Variants in TPRA1 observed in about 807,000 individuals in gnomAD.
The protein encoded by TPRA1 is transmembrane protein adipocyte associated 1.
TPRA1 carries 28 observed loss-of-function variants against 40.1 expected under a neutral mutation model. That is an observed-to-expected ratio of 0.70 (90% CI 0.52 to 0.96). TPRA1 has a LOEUF of 0.96. Among genes scored for constraint, TPRA1 ranks in the 40% least tolerant of loss-of-function variants. The pLI is 0.00. For synonymous variants in TPRA1, 219 were observed against 209.7 expected (o/e 1.04, Z -0.38); for missense variants, 441 against 482.6 (o/e 0.91, Z 0.81).
intron 3 of TPRA1, among the ~76,000 whole-genome samples, chr3:127,578,590 A>G (rs993339941): frequency 2.6e-5 from 4 of 152,232 alleles, no homozygotes; most frequent in African/African-American, 9.6e-5. Context: ...TAGGTGTTTA[A>G]TATCTGTTGA....
At position 127,571,289 on chromosome 3, in the gene TPRA1, T is replaced by A. The variant is rs543425951; in HGVS notation, c.*2232A>T. 6.6e-6 allele frequency: 1 copy of A among 152,344 alleles called. No homozygotes were observed. The highest frequency in any genetic ancestry group is 2.1e-4 in the South Asian group (1 of 4,832). The allele number at this position is 152,344 out of a possible 1,614,324, so 9.4% of individuals were successfully genotyped here. On this transcript the variant is annotated 3_prime_UTR_variant, in exon 11 of 11. Coordinates refer to ENST00000355552, the MANE Select transcript of TPRA1 (RefSeq NM_001136053.4). ...AAATGCAGTCTTTATTCTAGACAGC[T>A]GTGTATCTAGCGAAAAATCAGGGAT...
Position 127,574,726 on chromosome 3 carries a change from A to ACT in TPRA1, c.854+457_854+458dup, listed in dbSNP as rs1253334363. Among the ~76,000 whole-genome samples the ACT allele has an allele frequency of 5.9e-5, 9 of 151,942 alleles. No individual in the cohort carries two copies. In the East Asian group the frequency reaches 1.7e-3, roughly 29 times the overall value. On this transcript the variant is annotated intron_variant, in intron 10 of 10. Coordinates refer to ENST00000355552, the MANE Select transcript of TPRA1 (RefSeq NM_001136053.4). ...GCAATGTAGAACACCGTGCATAGTC[A>ACT]CTCTCTCTCTCGTGGGGAGAGTATG...
chr3:127,586,512 C>T (rs113761591), intron 1 of TPRA1, among the ~76,000 whole-genome samples: 21,148 of 152,200 alleles, frequency 0.14, 2,047 homozygotes, highest in Non-Finnish European at 0.2. Flanking sequence ...GTGTGCACCA[C>T]CACACCTGGC....
intron 3 of TPRA1, 108 bp from the exon 4 acceptor site, chr3:127,577,184 G>A: frequency 2.6e-6 from 3 of 1,175,386 alleles, no homozygotes; most frequent in Non-Finnish European, 3.7e-6. Flanking sequence ...CCTGAGGTCG[G>A]AAAGGAGGAA....
rs1363147530 is a variant in TPRA1 at position 127,572,711 on chromosome 3, G to A, written c.*810C>T. On this transcript the variant is annotated 3_prime_UTR_variant, in exon 11 of 11. Transcript: ENST00000355552. ...AGGCCCTGCAGGATGGGTCTTCTCCGCATTTTACAGATGGCAATAGTAAGT... is the reference window on the plus strand; with the variant it reads ...AGGCCCTGCAGGATGGGTCTTCTCCACATTTTACAGATGGCAATAGTAAGT... Among the ~76,000 whole-genome samples the A allele has an allele frequency of 6.6e-6, 1 of 152,172 alleles. No individual in the cohort carries two copies. The highest frequency in any genetic ancestry group is 1.5e-5 in the Non-Finnish European group (1 of 68,026).
At chr3:127,579,389 C>G (rs1162667230) in intron 3 of TPRA1, among the ~76,000 whole-genome samples, 1 of 152,194 alleles carries the variant, frequency 6.6e-6, no homozygotes, top group Non-Finnish European at 1.5e-5. Flanking sequence ...TGCCCCTTTC[C>G]TTGCTAGCCA....
At position 127,576,501 on chromosome 3, in the gene TPRA1, G is replaced by A. The variant is rs1037379396; in HGVS notation, c.498+116C>T. 2 of 1,024,318 alleles carry A rather than the reference G, an allele frequency of 2.0e-6. No individual in the cohort carries two copies. The highest frequency in any genetic ancestry group is 2.8e-6 in the Non-Finnish European group (2 of 717,546). The allele number at this position is 1,024,318 out of a possible 1,614,324, so 63.5% of individuals were successfully genotyped here. A position where few individuals can be genotyped will look rare whatever the true frequency, so the allele number is the denominator to read the frequency against. On this transcript the variant is annotated intron_variant, in intron 6 of 10. Transcript: ENST00000355552. This position sits in a 1 kb window ranked among gnomAD's most constrained non-coding sequence, Gnocchi z 4.6. ...AAGCACCCCATGTGATTTCTCAGGT[G>A]CAAAGTTTTGAGAACTCTGAAGGTG... is the stretch of plus-strand genomic sequence containing the variant.
At chr3:127,581,264 ACAGCCCCAGGCGGGGAG>A (rs1224739779) in intron 1 of TPRA1, among the ~76,000 whole-genome samples, 2 of 152,346 alleles carry the variant, frequency 1.3e-5, no homozygotes, top group East Asian at 3.9e-4. Flanking sequence ...GCTGTGGATG[ACAGCCCCAGGCGGGGAG>A]CAGCCCCAGA....
rs370881304 is a variant in TPRA1, at chr3:127,573,333, G to T, written c.*188C>A. On this transcript the variant is annotated 3_prime_UTR_variant, in exon 11 of 11. Transcript: ENST00000355552. Reference sequence around the variant, plus strand: ...GGTGGGAAGGGGAGGAGGGTCCCCAGTGAGAGCAGAGATGGCAAAGGGGAT... The same window carrying T: ...GGTGGGAAGGGGAGGAGGGTCCCCATTGAGAGCAGAGATGGCAAAGGGGAT... 1.5e-5 allele frequency: 10 copies of T among 684,038 alleles called. No individual in the cohort carries two copies. Among genetic ancestry groups the T allele is most frequent in the South Asian group, 1.1e-4 (5 of 43,648 alleles). The allele number at this position is 684,038 out of a possible 1,614,324, so 42.4% of individuals were successfully genotyped here. A position where few individuals can be genotyped will look rare whatever the true frequency, so the allele number is the denominator to read the frequency against.
In TPRA1 at chr3:127,576,597, GCC is replaced by G; in HGVS notation, c.498+18_498+19del. On this transcript the variant is annotated intron_variant, in intron 6 of 10. Coordinates refer to ENST00000355552, the MANE Select transcript of TPRA1 (RefSeq NM_001136053.4). This position sits in a 1 kb window ranked among gnomAD's most constrained non-coding sequence, Gnocchi z 4.6. ...GGTGCCCTGACTCCTAGCGTCCCCT[GCC>G]CACACTCACCCTCTTACCTGGGTGA... 1 of 1,575,130 alleles carries G rather than the reference GCC, an allele frequency of 6.3e-7. No homozygotes were observed. Among genetic ancestry groups the G allele is most frequent in the Non-Finnish European group, 8.6e-7 (1 of 1,158,496 alleles).
At chr3:127,591,387 G>T (rs941897486), upstream of TPRA1, among the ~76,000 whole-genome samples, 1 of 152,212 alleles carries the variant, frequency 6.6e-6, no homozygotes, top group East Asian at 1.9e-4. Flanking sequence ...CCAAAGCCGC[G>T]CAATGAGGAA....
Position 127,580,141 on chromosome 3 carries a change from G to A in TPRA1, c.6C>T (p.Asp2=). Residue 2 remains aspartate, a synonymous_variant, in exon 2 of 11, where the codon GAC becomes GAT. Coordinates refer to ENST00000355552, the MANE Select transcript of TPRA1 (RefSeq NM_001136053.4). M[D]TLEEVTWANG... is the part of the protein sequence containing the mutation. The stretch of plus-strand genomic sequence containing the variant: ...TGGCCCAAGTCACCTCCTCCAGGGT[G>A]TCCATCCCGCCAGCAGCCAGCCCTG... 2 of 1,612,328 alleles carry A rather than the reference G, an allele frequency of 1.2e-6. No individual in the cohort carries two copies. Among genetic ancestry groups the A allele is most frequent in the South Asian group, 1.1e-5 (1 of 91,078 alleles).
intron 1 of TPRA1, among the ~76,000 whole-genome samples, chr3:127,589,786 C>T (rs1214703575): frequency 6.6e-6 from 1 of 152,130 alleles, no homozygotes; most frequent in Non-Finnish European, 1.5e-5. Flanking sequence ...GGACTCGGTC[C>T]CCTAGAACAA....
upstream of TPRA1, among the ~76,000 whole-genome samples, chr3:127,592,875 C>T (rs1366983324): frequency 5.9e-5 from 9 of 152,354 alleles, no homozygotes; most frequent in East Asian, 1.7e-3. Context: ...CTTCCCACCA[C>T]GGTAGGTGTC....
At chr3:127,574,937 C>G in intron 10 of TPRA1, 1 of 559,720 alleles carries the variant, frequency 1.8e-6, no homozygotes, top group Admixed American at 3.3e-5. Context: ...TGTGCATGTG[C>G]ATGTGTGCAT....
chr3:127,581,165 C>T (rs1033314555), intron 1 of TPRA1, among the ~76,000 whole-genome samples: 1 of 152,164 alleles, frequency 6.6e-6, no homozygotes, highest in African/African-American at 2.4e-5. Context: ...CCTGGGGCAC[C>T]AGAACGTAAC....
In TPRA1 at chr3:127,575,425, A is replaced by G. The variant is rs1300486066; in HGVS notation, c.751T>C (p.Phe251Leu). 6.3e-7 allele frequency: 1 copy of G among 1,598,124 alleles called. No individual in the cohort carries two copies. The highest frequency in any genetic ancestry group is 2.3e-5 in the East Asian group (1 of 44,388). ...CACCAGAGCCCCTCGATGATGTCGA[A>G]GCACAGCAGCACACTCCCCAGCCCC... ...LQGLGSVLLC[F>L]DIIEGLCCVD... The change falls in exon 9 of 11, where the codon TTC becomes CTC. Residue 251 changes from phenylalanine to leucine, a missense_variant. Coordinates refer to ENST00000355552, the MANE Select transcript of TPRA1 (RefSeq NM_001136053.4).
intron 1 of TPRA1, among the ~76,000 whole-genome samples, chr3:127,584,198 G>A (rs1214590326): frequency 6.7e-6 from 1 of 150,264 alleles, no homozygotes; most frequent in Non-Finnish European, 1.5e-5. Flanking sequence ...CCAACACTTT[G>A]GGAGGCCGAG....
At chr3:127,593,392 G>A (rs971521201), upstream of TPRA1, among the ~76,000 whole-genome samples, 2 of 152,154 alleles carry the variant, frequency 1.3e-5, no homozygotes, top group Non-Finnish European at 2.9e-5. Flanking sequence ...GTGCTTAGGC[G>A]TGAGAAGCAA....
Sources: allele counts gnomAD v4.1 joint callset (sites outside exome capture counted in the v4.1 genomes callset), GRCh38; gene constraint gnomAD v4.1.1; non-coding constraint Gnocchi (gnomAD v3.1); transcripts MANE v1.5; gene names NCBI Gene and HGNC (gene_info 2026-07-23, HGNC 2026-07-21).